Variants in CDKAL1 observed in about 807,000 individuals in gnomAD.
CDKAL1 encodes threonylcarbamoyladenosine tRNA methylthiotransferase.
CDKAL1 carries 32 observed loss-of-function variants against 68.2 expected under a neutral mutation model. The ratio of observed to expected loss-of-function variants is 0.47; its 90% confidence interval spans 0.35 to 0.63. The LOEUF is 0.63. Among genes scored for constraint, CDKAL1 ranks in the 30% least tolerant of loss-of-function variants. CDKAL1 has a pLI of 0.00. For synonymous variants in CDKAL1, 234 were observed against 244.3 expected (o/e 0.96, Z 0.39); for missense variants, 606 against 696.7 (o/e 0.87, Z 1.47).
At chr6:20,566,517 T>C (rs1295033466) in intron 4 of CDKAL1, among the ~76,000 whole-genome samples, 1 of 146,018 alleles carries the variant, frequency 6.8e-6, no homozygotes, top group Admixed American at 6.9e-5. Flanking sequence ...TAGGACTTTA[T>C]GTCTGAACAT....
intron 6 of CDKAL1, among the ~76,000 whole-genome samples, chr6:20,746,449 T>C (rs1773667159): frequency 6.6e-6 from 1 of 152,226 alleles, no homozygotes; most frequent in Non-Finnish European, 1.5e-5. Context: ...CACGGGCTTG[T>C]GAGTTCAAGA....
chr6:20,973,368 G>A (rs759559268), intron 10 of CDKAL1, among the ~76,000 whole-genome samples: 2 of 152,076 alleles, frequency 1.3e-5, no homozygotes, highest in Non-Finnish European at 2.9e-5. Flanking sequence ...TGATTGATAG[G>A]GTAAGCCAAA....
chr6:20,665,562 A>G (rs1464536537), intron 5 of CDKAL1, among the ~76,000 whole-genome samples: 1 of 152,102 alleles, frequency 6.6e-6, no homozygotes, highest in Non-Finnish European at 1.5e-5. Flanking sequence ...AAAGTTCTTA[A>G]TGACACAAAG....
chr6:20,946,173 C>T (rs548621820), intron 9 of CDKAL1, among the ~76,000 whole-genome samples: 1 of 152,296 alleles, frequency 6.6e-6, no homozygotes, highest in South Asian at 2.1e-4. Context: ...CCCCTTATAA[C>T]AACTTCCATT....
intron 11 of CDKAL1, among the ~76,000 whole-genome samples, chr6:21,051,861 T>G (rs1296333001): frequency 1.4e-4 from 21 of 152,196 alleles, no homozygotes; most frequent in Admixed American, 1.4e-3. Context: ...ATATCCATTT[T>G]ATGAAAGAAG....
intron 7 of CDKAL1, among the ~76,000 whole-genome samples, chr6:20,759,123 A>G (rs1187233542): frequency 6.6e-6 from 1 of 152,192 alleles, no homozygotes; most frequent in Non-Finnish European, 1.5e-5. Context: ...TGAGCAACAC[A>G]GTGACACCCT....
chr6:21,012,168 C>T (rs938752055), intron 11 of CDKAL1, among the ~76,000 whole-genome samples: 6 of 152,152 alleles, frequency 3.9e-5, no homozygotes, highest in Non-Finnish European at 5.9e-5. Flanking sequence ...AAGTCATACC[C>T]GTCACTTTTG....
rs1348103463 is a variant in CDKAL1, at chr6:21,147,878, GCTTA to G, written c.1299+39419_1299+39422del. Among the ~76,000 whole-genome samples the G allele has an allele frequency of 2.0e-5, 3 of 152,166 alleles. No homozygotes were observed. In the East Asian group the frequency reaches 5.8e-4, roughly 29 times the overall value. On this transcript the variant is annotated intron_variant, in intron 13 of 15. Coordinates refer to ENST00000274695, the MANE Select transcript of CDKAL1 (RefSeq NM_017774.3). ...GATCATATTGCTAGTACAGCTTAAT[GCTTA>G]CTTTTTAACTAATTCATTTTCTCAT...
intron 2 of CDKAL1, among the ~76,000 whole-genome samples, chr6:20,538,877 T>G (rs1398236260): frequency 6.6e-6 from 1 of 152,226 alleles, no homozygotes; most frequent in Non-Finnish European, 1.5e-5. Context: ...GTAACTATTG[T>G]GTGCCTGCTA....
intron 4 of CDKAL1, among the ~76,000 whole-genome samples, chr6:20,571,452 C>G (rs769515096): frequency 6.6e-6 from 1 of 151,918 alleles, no homozygotes; most frequent in Non-Finnish European, 1.5e-5. Flanking sequence ...GTTCTCTTAT[C>G]TAGTAATTGG....
chr6:20,921,865 A>T (rs1041950431), intron 9 of CDKAL1, among the ~76,000 whole-genome samples: 1 of 152,202 alleles, frequency 6.6e-6, no homozygotes, highest in South Asian at 2.1e-4. Flanking sequence ...TTTCTCAACA[A>T]TTGCAGTTAT....
At chr6:20,783,624 G>T (rs531257533) in intron 8 of CDKAL1, among the ~76,000 whole-genome samples, 3 of 152,124 alleles carry the variant, frequency 2.0e-5, no homozygotes, top group East Asian at 1.9e-4. Flanking sequence ...CATTTCTTGG[G>T]ATGTCTGCTT....
chr6:20,982,788 C>T (rs1766226033), intron 10 of CDKAL1, among the ~76,000 whole-genome samples: 1 of 151,978 alleles, frequency 6.6e-6, no homozygotes, highest in South Asian at 2.1e-4. Context: ...TTTAAAATTA[C>T]AATTTCCCCC....
At chr6:21,083,858 C>G (rs559613307) in intron 12 of CDKAL1, among the ~76,000 whole-genome samples, 12 of 152,132 alleles carry the variant, frequency 7.9e-5, no homozygotes, top group African/African-American at 2.7e-4. Context: ...TTGAGTTTTC[C>G]TCATGATTAG....
chr6:20,546,253 A>C (rs1561914790), intron 2 of CDKAL1, 93 bp from the exon 3 acceptor site: 1 of 957,828 alleles, frequency 1.0e-6, no homozygotes, highest in South Asian at 1.8e-5. Flanking sequence ...CAAAGGCTTG[A>C]TTAGATTCAA....
chr6:20,957,752 C>T (rs545713659), intron 10 of CDKAL1, among the ~76,000 whole-genome samples: 11 of 152,182 alleles, frequency 7.2e-5, no homozygotes, highest in African/African-American at 2.6e-4. Flanking sequence ...AGGTGGATCA[C>T]TTGAGGTCAG....
intron 5 of CDKAL1, among the ~76,000 whole-genome samples, chr6:20,667,493 C>T (rs111347313): frequency 0.022 from 3,346 of 152,180 alleles, 45 homozygotes; most frequent in Non-Finnish European, 0.033. Flanking sequence ...CCCCCCTTCC[C>T]TCAACAATAA....
At chr6:21,018,236 C>CTTATT (rs1228480261) in intron 11 of CDKAL1, among the ~76,000 whole-genome samples, 1 of 152,122 alleles carries the variant, frequency 6.6e-6, no homozygotes, top group Non-Finnish European at 1.5e-5. Flanking sequence ...TATTTAATGC[C>CTTATT]TAACAATAGG....
chr6:20,731,293 A>C (rs7741604), intron 5 of CDKAL1, among the ~76,000 whole-genome samples: 18,352 of 152,204 alleles, frequency 0.12, 1,574 homozygotes, highest in East Asian at 0.41. Flanking sequence ...TTGAGACCAA[A>C]GTCTAAGGGA....
Sources: gnomAD v4.1 joint callset for allele counts (sites outside exome capture counted in the v4.1 genomes callset) on GRCh38, gnomAD v4.1.1 for gene constraint, MANE v1.5 for transcripts, NCBI Gene and HGNC (gene_info 2026-07-23, HGNC 2026-07-21) for gene names.